Variants in PIK3CB observed in about 807,000 individuals in gnomAD.
PIK3CB encodes the protein phosphatidylinositol 4,5-bisphosphate 3-kinase catalytic subunit beta isoform.
A neutral mutation model predicts 136.8 loss-of-function variants in PIK3CB; 39 were observed. That is an observed-to-expected ratio of 0.29 (90% CI 0.22 to 0.37). The LOEUF is 0.37. Among genes scored for constraint, PIK3CB ranks in the 10% least tolerant of loss-of-function variants. The probability of loss-of-function intolerance (pLI) is 1.00; values close to 1 mark genes in which losing one functional copy is unlikely to be tolerated. For synonymous variants in PIK3CB, 428 were observed against 436.6 expected (o/e 0.98, Z 0.25); for missense variants, 868 against 1,275.4 (o/e 0.68, Z 4.87).
intron 15 of PIK3CB, among the ~76,000 whole-genome samples, 176 bp from the exon 16 acceptor site, chr3:138,689,150 G>A (rs527500312): frequency 9.8e-4 from 149 of 152,208 alleles, no homozygotes; most frequent in Non-Finnish European, 1.1e-3. Context: ...TGTTGCCCAG[G>A]CTGGTGTGCA....
At chr3:138,704,590 G>T in intron 11 of PIK3CB, 97 bp from the exon 12 acceptor site, 1 of 794,096 alleles carries the variant, frequency 1.3e-6, no homozygotes. Flanking sequence ...CATAAGATCT[G>T]GCATTGCTAT....
chr3:138,775,393 T>C (rs115227167), intron 2 of PIK3CB, among the ~76,000 whole-genome samples: 76 of 152,292 alleles, frequency 5.0e-4, no homozygotes, highest in African/African-American at 1.8e-3. Flanking sequence ...ACGAAGCAAT[T>C]TGCAATCCAG....
At chr3:138,691,913 T>A (rs2044017050) in intron 14 of PIK3CB, among the ~76,000 whole-genome samples, 1 of 152,230 alleles carries the variant, frequency 6.6e-6, no homozygotes, top group African/African-American at 2.4e-5. Flanking sequence ...CTTTCACAAT[T>A]TATTTTCCTT....
chr3:138,697,192 G>A (rs2044154851), intron 13 of PIK3CB, among the ~76,000 whole-genome samples: 1 of 152,048 alleles, frequency 6.6e-6, no homozygotes, highest in South Asian at 2.1e-4. Context: ...CTATCCAAAA[G>A]AAACAGGCAA....
At chr3:138,758,299 G>T (rs980637449) in intron 3 of PIK3CB, among the ~76,000 whole-genome samples, 2 of 152,186 alleles carry the variant, frequency 1.3e-5, no homozygotes, top group Non-Finnish European at 2.9e-5. Flanking sequence ...TGGGATGATG[G>T]TTAAGTGCTG....
At chr3:138,805,029 A>ACAAACAACAAC (rs1448573595) in intron 1 of PIK3CB, among the ~76,000 whole-genome samples, 2 of 150,428 alleles carry the variant, frequency 1.3e-5, no homozygotes, top group South Asian at 2.1e-4. Context: ...CATCTCAAAA[A>ACAAACAACAAC]AAGAAAAAAA....
intron 2 of PIK3CB, among the ~76,000 whole-genome samples, chr3:138,773,625 T>A (rs758050152): frequency 6.6e-6 from 1 of 152,154 alleles, no homozygotes; most frequent in Non-Finnish European, 1.5e-5. Context: ...AATTTAAAAA[T>A]TAAATGGTCT....
intron 4 of PIK3CB, among the ~76,000 whole-genome samples, chr3:138,746,401 C>T (rs1482371392): frequency 6.6e-6 from 1 of 152,134 alleles, no homozygotes; most frequent in Non-Finnish European, 1.5e-5. Context: ...TGGCTCACGC[C>T]TGTAATCCCA....
intron 2 of PIK3CB, among the ~76,000 whole-genome samples, chr3:138,776,874 G>T (rs1193423259): frequency 3.8e-5 from 5 of 130,382 alleles, no homozygotes; most frequent in South Asian, 2.4e-4. Flanking sequence ...AGTGAGCTGA[G>T]ATCATGCTAC....
At chr3:138,816,547 A>G (rs1933337607) in intron 1 of PIK3CB, among the ~76,000 whole-genome samples, 1 of 152,076 alleles carries the variant, frequency 6.6e-6, no homozygotes, top group Admixed American at 6.6e-5. Flanking sequence ...GTGAGCCAAG[A>G]TCATGCCATT....
chr3:138,785,811 G>C (rs909759907), intron 2 of PIK3CB, among the ~76,000 whole-genome samples: 3 of 139,506 alleles, frequency 2.2e-5, no homozygotes, highest in African/African-American at 8.1e-5. Context: ...ACCCAAGAAT[G>C]ATCAATAAAT....
At chr3:138,818,207 T>G (rs915859204) in intron 1 of PIK3CB, among the ~76,000 whole-genome samples, 1 of 152,172 alleles carries the variant, frequency 6.6e-6, no homozygotes, top group Non-Finnish European at 1.5e-5. Context: ...GGTCCTGACT[T>G]CATGACTCCC....
At chr3:138,811,845 T>C (rs1017010788) in intron 1 of PIK3CB, among the ~76,000 whole-genome samples, 2 of 151,826 alleles carry the variant, frequency 1.3e-5, no homozygotes, top group African/African-American at 4.8e-5. Flanking sequence ...TCCCAGCACT[T>C]TGGGAGACCA....
rs1361821401 is a variant in PIK3CB at position 138,698,987 on chromosome 3, C to A, written c.1690G>T (p.Asp564Tyr). Residue 564 changes from aspartate (D) to tyrosine (Y), a missense_variant, in exon 13 of 24, where the codon GAC becomes TAC. Asp to Tyr is a radical substitution (Grantham distance 160). Around this residue, in one of 4 missense-constraint regions of PIK3CB, gnomAD observed 612 missense variants for 801.1 expected, o/e 0.76. Coordinates refer to ENST00000674063, the MANE Select transcript of PIK3CB (RefSeq NM_006219.3). ...GATTGTGGGAAAATCTCTCGGCAGTCTTGTCGCAAAGTCCAAATAAGATCC... is the reference window on the plus strand; with the variant it reads ...GATTGTGGGAAAATCTCTCGGCAGTATTGTCGCAAAGTCCAAATAAGATCC... Reference protein sequence around the residue: ...EMDLIWTLRQDCREIFPQSLP... With the variant: ...EMDLIWTLRQYCREIFPQSLP... 6.2e-7 allele frequency: 1 copy of A among 1,607,168 alleles called. No homozygotes were observed. Among genetic ancestry groups the A allele is most frequent in the Non-Finnish European group, 8.5e-7 (1 of 1,175,202 alleles).
At chr3:138,817,653 G>A (rs1933394052) in intron 1 of PIK3CB, among the ~76,000 whole-genome samples, 1 of 152,212 alleles carries the variant, frequency 6.6e-6, no homozygotes, top group African/African-American at 2.4e-5. Flanking sequence ...AAATGTAGAT[G>A]CTAGTAGGCT....
intron 2 of PIK3CB, among the ~76,000 whole-genome samples, chr3:138,785,466 G>A (rs562938347): frequency 1.3e-5 from 2 of 152,304 alleles, no homozygotes; most frequent in East Asian, 3.9e-4. Context: ...ATTTTGTTCT[G>A]TACTAAGAAA....
Position 138,656,287 on chromosome 3 carries a change from C to G in PIK3CB, c.2943-13G>C. 6.2e-7 allele frequency: 1 copy of G among 1,613,928 alleles called. No individual in the cohort carries two copies. The highest frequency in any genetic ancestry group is 1.3e-5 in the African/African-American group (1 of 75,016). On this transcript the variant is annotated splice_polypyrimidine_tract_variant and intron_variant, in intron 22 of 23. Coordinates refer to ENST00000674063, the MANE Select transcript of PIK3CB (RefSeq NM_006219.3). ...ACACTGGCGGAACCTTTGGGTGATGCAGCAAACCACATGAGCACAGTGTTA... is the reference window on the plus strand; with the variant it reads ...ACACTGGCGGAACCTTTGGGTGATGGAGCAAACCACATGAGCACAGTGTTA...
At chr3:138,739,927 A>C (rs1406463916) in intron 5 of PIK3CB, among the ~76,000 whole-genome samples, 3 of 151,490 alleles carry the variant, frequency 2.0e-5, no homozygotes, top group African/African-American at 7.3e-5. Flanking sequence ...AAAATAAAAG[A>C]GACCCCAGAG....
intron 1 of PIK3CB, among the ~76,000 whole-genome samples, chr3:138,813,153 G>C (rs1244843787): frequency 6.6e-6 from 1 of 151,998 alleles, no homozygotes; most frequent in Non-Finnish European, 1.5e-5. Context: ...GTCTAGAACT[G>C]AACATCATTC....
Sources: allele counts gnomAD v4.1 joint callset (sites outside exome capture counted in the v4.1 genomes callset), GRCh38; gene constraint gnomAD v4.1.1; regional missense constraint gnomAD v4.1.1; transcripts MANE v1.5; gene names NCBI Gene and HGNC (gene_info 2026-07-23, HGNC 2026-07-21).